The following LRRC41 variants were observed in gnomAD, a reference collection of about 807,000 sequenced individuals.
The protein encoded by LRRC41 is leucine rich repeat containing 41, also known as leucine-rich repeat-containing protein 41.
LRRC41 carries 17 observed loss-of-function variants against 72.1 expected under a neutral mutation model. The observed-to-expected ratio is 0.24, with a 90% CI of 0.16 to 0.35. The LOEUF (loss-of-function observed/expected upper bound fraction) is 0.35. Among genes scored for constraint, LRRC41 ranks in the 10% least tolerant of loss-of-function variants. LRRC41 has a pLI of 1.00. For synonymous variants in LRRC41, 427 were observed against 431.0 expected, an observed-to-expected ratio of 0.99 and a Z score of 0.11; for missense variants, 759 against 1,065.0, an observed-to-expected ratio of 0.71 and a Z score of 4.00.
At chr1:46,301,735 G>A (rs974911658) in intron 1 of LRRC41, among the ~76,000 whole-genome samples, 1 of 151,934 alleles carries the variant, frequency 6.6e-6, no homozygotes, top group Non-Finnish European at 1.5e-5. Context: ...TCCTGACCAG[G>A]GCCTTCCTCC....
chr1:46,289,316 T>G (rs1466212997), intron 3 of LRRC41, among the ~76,000 whole-genome samples: 1 of 152,204 alleles, frequency 6.6e-6, no homozygotes, highest in African/African-American at 2.4e-5. Context: ...CTTAGTTTCA[T>G]CATCTATAAA....
chr1:46,297,678 A>G, intron 2 of LRRC41, 45 bp from the exon 3 acceptor site: 1 of 1,359,634 alleles, frequency 7.4e-7, no homozygotes, highest in East Asian at 2.3e-5. Flanking sequence ...GGCCACCATG[A>G]GTAAAGTACA....
rs1290326724 is a variant in LRRC41 at position 46,286,386 on chromosome 1, A to C, written c.471T>G (p.Leu157=). 1.9e-6 allele frequency: 3 copies of C among 1,614,210 alleles called. No homozygotes were observed. The South Asian group carries it at 3.3e-5, about 18-fold the overall frequency. Residue 157 remains leucine, a synonymous_variant, in exon 4 of 10, where the codon CTT becomes CTG. Coordinates refer to ENST00000617190, the MANE Select transcript of LRRC41 (RefSeq NM_006369.5). This position sits in a 1 kb window ranked among gnomAD's most constrained non-coding sequence, Gnocchi z 5.5. ...GTCGGACATGGCGGGAGCTGTGCAG[A>C]AGAGGTGAGAACCGCTGATCACAAA... ...RRLCDQRFSP[L]LHSSRHVRQL...
intron 2 of LRRC41, 127 bp downstream of exon 2, chr1:46,298,157 A>G: frequency 1.6e-6 from 1 of 636,124 alleles, no homozygotes; most frequent in Non-Finnish European, 2.7e-6. Flanking sequence ...AGGAAGAAAA[A>G]TAGGTGTGAA....
At chr1:46,281,955 T>C (rs1422168197) in intron 4 of LRRC41, among the ~76,000 whole-genome samples, 1 of 152,102 alleles carries the variant, frequency 6.6e-6, no homozygotes, top group East Asian at 1.9e-4. Flanking sequence ...GGCACATGCC[T>C]GTAGTCCCAG....
intron 2 of LRRC41, 79 bp from the exon 3 acceptor site, chr1:46,297,712 G>C: frequency 9.4e-7 from 1 of 1,067,418 alleles, no homozygotes; most frequent in South Asian, 1.3e-5. Context: ...TTGTCTTCTG[G>C]GTTCACAGGA....
At position 46,290,631 on chromosome 1, in the gene LRRC41, T is replaced by C. The variant is rs79712845; in HGVS notation, c.358-4132A>G. On this transcript the variant is annotated intron_variant, in intron 3 of 9. Transcript: ENST00000617190. ...TGTTTCTAGCTTTTTTTTTTTTTTT[T>C]CCTCTGTCGCCCTGGTCTGGGCTGG... 9.7e-4 allele frequency among the ~76,000 whole-genome samples: 146 copies of C among 150,936 alleles called. 4 individuals carry two copies. The South Asian group carries it at 0.028, about 29-fold the overall frequency.
chr1:46,301,272 C>CTA (rs1661217727), intron 1 of LRRC41, among the ~76,000 whole-genome samples: 1 of 152,136 alleles, frequency 6.6e-6, no homozygotes. Flanking sequence ...TGCTGCTTCC[C>CTA]AACCTGGGCC....
Position 46,286,217 on chromosome 1 carries a change from G to C in LRRC41, c.640C>G (p.Leu214Val). ...LFSDVAAQQS[L>V]RQLLHQLIHH... ...ATGAGCTGATGCAACAGCTGCCGAA[G>C]TGACTGCTGAGCAGCCACATCAGAG... Residue 214 changes from leucine (L) to valine (V), a missense_variant, in exon 4 of 10, where the codon CTT becomes GTT. Coordinates refer to ENST00000617190, the MANE Select transcript of LRRC41 (RefSeq NM_006369.5). This position sits in a 1 kb window ranked among gnomAD's most constrained non-coding sequence, Gnocchi z 5.5. 1.2e-6 allele frequency: 2 copies of C among 1,614,260 alleles called. No individual in the cohort carries two copies. Among genetic ancestry groups the C allele is most frequent in the Non-Finnish European group, 1.7e-6 (2 of 1,180,054 alleles).
In LRRC41 at chr1:46,303,196, G is replaced by T. The variant is rs758815696; in HGVS notation, c.127C>A (p.Pro43Thr). 85 of 1,572,946 alleles carry T rather than the reference G, an allele frequency of 5.4e-5. No homozygotes were observed. The highest frequency in any genetic ancestry group is 1.4e-5 in the African/African-American group (1 of 73,174). The change falls in exon 1 of 10, where the codon CCC (proline) becomes ACC (threonine). Residue 43 changes from proline (P) to threonine (T), a missense_variant. Around this residue, in one of 4 missense-constraint regions of LRRC41, gnomAD observed 106 missense variants for 66.1 expected, o/e 1.60. Coordinates refer to ENST00000617190, the MANE Select transcript of LRRC41 (RefSeq NM_006369.5). The stretch of plus-strand genomic sequence containing the variant: ...CCGCACAGCTCGAACAGGGCGGGGG[G>T]AGCGTTGGGGCCCGAGGCCGAGCTC... ...AKSSASGPNA[P>T]PALFELCGRA...
intron 4 of LRRC41, among the ~76,000 whole-genome samples, chr1:46,282,921 T>C (rs1268610935): frequency 6.6e-6 from 1 of 151,194 alleles, no homozygotes; most frequent in East Asian, 2.0e-4. Flanking sequence ...TAATCCCAGC[T>C]ACTGAGTCAG....
chr1:46,299,946 A>G (rs1661191866), intron 1 of LRRC41: 1 of 152,190 alleles, frequency 6.6e-6, no homozygotes, highest in Non-Finnish European at 1.5e-5. Context: ...TGTTGTGAAG[A>G]TCATGCTTAT....
intron 3 of LRRC41, among the ~76,000 whole-genome samples, chr1:46,288,382 T>C (rs1660927330): frequency 6.6e-6 from 1 of 152,220 alleles, no homozygotes; most frequent in Non-Finnish European, 1.5e-5. Flanking sequence ...CACAGGATTG[T>C]TGTGAAGATC....
At chr1:46,290,010 T>C (rs936393436) in intron 3 of LRRC41, among the ~76,000 whole-genome samples, 1 of 152,196 alleles carries the variant, frequency 6.6e-6, no homozygotes. Flanking sequence ...TAGGGAGGGC[T>C]AAACATCTTG....
At chr1:46,289,489 C>T (rs969853730) in intron 3 of LRRC41, among the ~76,000 whole-genome samples, 5 of 151,852 alleles carry the variant, frequency 3.3e-5, no homozygotes, top group East Asian at 1.9e-4. Flanking sequence ...GGGCCGGGCG[C>T]GGTGGCTCAC....
At position 46,286,142 on chromosome 1, in the gene LRRC41, C is replaced by G. The variant is rs772507689; in HGVS notation, c.715G>C (p.Glu239Gln). 2 of 1,614,234 alleles carry G rather than the reference C, an allele frequency of 1.2e-6. No individual in the cohort carries two copies. The highest frequency in any genetic ancestry group is 1.3e-5 in the African/African-American group (1 of 75,072). The change falls in exon 4 of 10, where the codon GAG becomes CAG. Residue 239 changes from glutamate to glutamine, a missense_variant. Around this residue, in one of 4 missense-constraint regions of LRRC41, gnomAD observed 427 missense variants for 520.9 expected, o/e 0.82. Coordinates refer to ENST00000617190, the MANE Select transcript of LRRC41 (RefSeq NM_006369.5). This position sits in a 1 kb window ranked among gnomAD's most constrained non-coding sequence, Gnocchi z 5.5. ...AGAATAAGGATGAAAAGGGCTGACT[C>G]AGGCACAGGCCAGGAGTATAGCGAC... ...QVSLYSWPVP[E>Q]SALFILILTM...
rs1661266196 is a variant in LRRC41, at chr1:46,302,673, C to T, written c.199+451G>A. ...GAGCCCCGGGGCCATCAGTCAGGTT[C>T]GGTGGCCCCGGGCCTGGCCTGGCCT... On this transcript the variant is annotated intron_variant, in intron 1 of 9. Coordinates refer to ENST00000617190, the MANE Select transcript of LRRC41 (RefSeq NM_006369.5). The surrounding 1 kb of genome is among the most constrained non-coding windows in gnomAD (Gnocchi z 4.7). 2.0e-6 allele frequency: 2 copies of T among 985,406 alleles called. No homozygotes were observed. The highest frequency in any genetic ancestry group is 2.4e-6 in the Non-Finnish European group (2 of 829,910). The allele number at this position is 985,406 out of a possible 1,614,324, so 61.0% of individuals were successfully genotyped here.
rs565853533 is a variant in LRRC41 at position 46,279,593 on chromosome 1, C to T, written c.2042G>A (p.Arg681His). The T allele has an allele frequency of 1.1e-5, 18 of 1,614,120 alleles. No homozygotes were observed. Among genetic ancestry groups the T allele is most frequent in the Middle Eastern group, 1.6e-4 (1 of 6,062 alleles). ...TLQEITFSFC[R>H]LFEKRPAQFL... ...TTGGGCTGGGCGCTTCTCAAACAGACGGCAGAAGGAGAAGGTAATCTCTGT... is the reference window on the plus strand; with the variant it reads ...TTGGGCTGGGCGCTTCTCAAACAGATGGCAGAAGGAGAAGGTAATCTCTGT... Residue 681 changes from arginine (R) to histidine (H), a missense_variant, in exon 8 of 10, where the codon CGT becomes CAT. Arg to His is a conservative substitution (Grantham distance 29). Transcript: ENST00000617190. The surrounding 1 kb of genome is among the most constrained non-coding windows in gnomAD (Gnocchi z 4.5).
chr1:46,289,578 C>T (rs1040159473), intron 3 of LRRC41, among the ~76,000 whole-genome samples: 3 of 151,922 alleles, frequency 2.0e-5, no homozygotes, highest in East Asian at 1.9e-4. Flanking sequence ...CTGGCTAACA[C>T]GGTGAAACCC....
Sources: allele counts gnomAD v4.1 joint callset (sites outside exome capture counted in the v4.1 genomes callset), GRCh38; gene constraint gnomAD v4.1.1; regional missense constraint gnomAD v4.1.1; non-coding constraint Gnocchi (gnomAD v3.1); transcripts MANE v1.5; gene names NCBI Gene and HGNC (gene_info 2026-07-23, HGNC 2026-07-21).